The following CACNA1D variants were observed in gnomAD, a reference collection of about 807,000 sequenced individuals.
CACNA1D encodes the protein calcium voltage-gated channel subunit alpha1 D, also known as voltage-dependent L-type calcium channel subunit alpha-1D.
In CACNA1D, 55 loss-of-function variants were observed where a neutral mutation model predicts 257.1. That is an observed-to-expected ratio of 0.21 (90% confidence interval 0.17 to 0.27). The LOEUF (loss-of-function observed/expected upper bound fraction) is 0.27. Ranked by LOEUF, CACNA1D falls within the 10% of genes least tolerant of loss-of-function variation. CACNA1D has a pLI of 1.00. For missense variants in CACNA1D, 1,876 were observed against 2,784.0 expected (o/e 0.67, Z 7.34); for synonymous variants, 980 against 1,014.9 (o/e 0.97, Z 0.65).
chr3:53,586,276 C>CTGTGTG (rs57318445), intron 3 of CACNA1D, among the ~76,000 whole-genome samples: 1,808 of 135,986 alleles, frequency 0.013, 28 homozygotes, highest in East Asian at 0.016. Flanking sequence ...TGCCTCTATT[C>CTGTGTG]TGTGTGTGTG....
chr3:53,618,034 T>C (rs1223415411), intron 3 of CACNA1D, among the ~76,000 whole-genome samples: 1 of 152,170 alleles, frequency 6.6e-6, no homozygotes, highest in Non-Finnish European at 1.5e-5. Context: ...GCTGGGCCTC[T>C]GACCTGGGGA....
chr3:53,689,208 T>C (rs1169905250), intron 8 of CACNA1D, among the ~76,000 whole-genome samples: 2 of 152,060 alleles, frequency 1.3e-5, no homozygotes, highest in African/African-American at 2.4e-5. Flanking sequence ...AAGCAAGTTG[T>C]CAGGAGAGTG....
At chr3:53,699,410 A>G (rs2094600172) in intron 8 of CACNA1D, among the ~76,000 whole-genome samples, 1 of 152,226 alleles carries the variant, frequency 6.6e-6, no homozygotes, top group African/African-American at 2.4e-5. Flanking sequence ...TGTGTTTTCA[A>G]AGCCTTACTG....
At chr3:53,549,222 C>T (rs934573005) in intron 3 of CACNA1D, among the ~76,000 whole-genome samples, 1 of 152,188 alleles carries the variant, frequency 6.6e-6, no homozygotes, top group African/African-American at 2.4e-5. Context: ...CTTTTTGTCA[C>T]GTACTGATGT....
chr3:53,546,419 C>T (rs2092414527), intron 3 of CACNA1D, among the ~76,000 whole-genome samples: 1 of 152,126 alleles, frequency 6.6e-6, no homozygotes, highest in South Asian at 2.1e-4. Context: ...TCTGTATTGA[C>T]ATTGAGTCTA....
In CACNA1D at chr3:53,662,600, G is replaced by C. The variant is rs138313600; in HGVS notation, c.766+2325G>C. 5.9e-5 allele frequency among the ~76,000 whole-genome samples: 9 copies of C among 152,348 alleles called. No homozygotes were observed. The East Asian group carries it at 1.7e-3, about 29-fold the overall frequency. On this transcript the variant is annotated intron_variant, in intron 5 of 47. Coordinates refer to ENST00000350061, the MANE Select transcript of CACNA1D (RefSeq NM_001128840.3). ...TGACTAGTGTAAGTTCTCACAGCTA[G>C]TGAGTAGCCAGACAGAACCAGACCC...
At chr3:53,524,430 A>G (rs2091688433) in intron 3 of CACNA1D, among the ~76,000 whole-genome samples, 1 of 152,274 alleles carries the variant, frequency 6.6e-6, no homozygotes, top group Non-Finnish European at 1.5e-5. Context: ...GTGCCAACAC[A>G]CAAAACTACA....
At chr3:53,657,430 A>T (rs79665631) in intron 4 of CACNA1D, among the ~76,000 whole-genome samples, 1,980 of 152,294 alleles carry the variant, frequency 0.013, 46 homozygotes, top group African/African-American at 0.045. Context: ...CAAGAGAATC[A>T]TTTAAAATGT....
chr3:53,730,159 CAG>C (rs1315388521), intron 15 of CACNA1D, among the ~76,000 whole-genome samples: 2 of 152,152 alleles, frequency 1.3e-5, no homozygotes, highest in Non-Finnish European at 2.9e-5. Flanking sequence ...CACACACACA[CAG>C]AGAAAGGTTG....
rs1341954518 is a variant in CACNA1D at position 53,660,403 on chromosome 3, C to T, written c.766+128C>T. The T allele has an allele frequency of 1.1e-5, 9 of 814,622 alleles. No individual in the cohort carries two copies. In the East Asian group the frequency reaches 1.5e-4, roughly 14 times the overall value. 50.5% of individuals were successfully genotyped at this position (814,622 alleles called of 1,614,324 possible). ...AGGGGTCAGCAGATGACCATGGCCT[C>T]CTTCACAGTTGACAGGACACTTTGG... On this transcript the variant is annotated intron_variant, in intron 5 of 47. Coordinates refer to ENST00000350061, the MANE Select transcript of CACNA1D (RefSeq NM_001128840.3).
Position 53,753,658 on chromosome 3 carries a change from G to A in CACNA1D, c.3762G>A (p.Leu1254=), listed in dbSNP as rs943916292. 6 of 1,611,316 alleles carry A rather than the reference G, an allele frequency of 3.7e-6. No individual in the cohort carries two copies. Among genetic ancestry groups the A allele is most frequent in the South Asian group, 1.1e-5 (1 of 91,040 alleles). The change falls in exon 29 of 48, where the codon TTG becomes TTA. Residue 1254 remains leucine (L), a synonymous_variant. Transcript: ENST00000350061. Reference sequence around the variant, plus strand: ...GGGTGTTCACCGTCGAGATGGTTTTGAAAGTCATCGCATTTAAGCCTAAGG... The same window carrying A: ...GGGTGTTCACCGTCGAGATGGTTTTAAAAGTCATCGCATTTAAGCCTAAGG... ...FTGVFTVEMV[L]KVIAFKPKGY... is the part of the protein sequence containing the mutation.
chr3:53,734,755 G>A (rs2095041269), intron 19 of CACNA1D, among the ~76,000 whole-genome samples: 2 of 152,092 alleles, frequency 1.3e-5, no homozygotes, highest in Admixed American at 1.3e-4. Flanking sequence ...ACTTTCTGAG[G>A]ACTGCTTGTG....
intron 30 of CACNA1D, among the ~76,000 whole-genome samples, chr3:53,763,560 C>T (rs955442671): frequency 2.0e-5 from 3 of 152,198 alleles, no homozygotes; most frequent in Admixed American, 6.5e-5. Context: ...GGGCGGAGCA[C>T]GGGGAGGGAC....
rs17053141 is a variant in CACNA1D, at chr3:53,526,895, G to A, written c.483+25175G>A. Among the ~76,000 whole-genome samples the A allele has an allele frequency of 8.0e-3, 1,226 of 152,310 alleles. 93 individuals are homozygous for A. In the South Asian group the frequency reaches 0.16, roughly 20 times the overall value. On this transcript the variant is annotated intron_variant, in intron 3 of 47. Coordinates refer to ENST00000350061, the MANE Select transcript of CACNA1D (RefSeq NM_001128840.3). ...TCCTAATTTGTCAAATGAGCAGGGC[G>A]TATTGCCAGATAAGCTCTTTAAAGT... is the stretch of plus-strand genomic sequence containing the variant.
chr3:53,592,717 T>A (rs2093321727), intron 3 of CACNA1D, among the ~76,000 whole-genome samples: 1 of 152,068 alleles, frequency 6.6e-6, no homozygotes, highest in African/African-American at 2.4e-5. Context: ...TGTTTTTTTT[T>A]TTTTAGATGG....
At chr3:53,636,770 T>C (rs2093889127) in intron 3 of CACNA1D, among the ~76,000 whole-genome samples, 1 of 152,266 alleles carries the variant, frequency 6.6e-6, no homozygotes, top group Non-Finnish European at 1.5e-5. Flanking sequence ...ATACATTTCA[T>C]GGAGACAGGA....
At chr3:53,784,429 C>A (rs79328687) in intron 39 of CACNA1D, among the ~76,000 whole-genome samples, 5,563 of 152,260 alleles carry the variant, frequency 0.037, 157 homozygotes, top group Middle Eastern at 0.099. Flanking sequence ...CCTGCTGTAG[C>A]TTTGACTTTT....
rs760371924 is a variant in CACNA1D, at chr3:53,497,137, T to C, written c.68-15T>C. On this transcript the variant is annotated splice_polypyrimidine_tract_variant and intron_variant, in intron 1 of 47. Coordinates refer to ENST00000350061, the MANE Select transcript of CACNA1D (RefSeq NM_001128840.3). Reference sequence around the variant, plus strand: ...ATTTAAAAAAAAAAATCTTTGTTTTTCTCCTTCTCCCCAGAGGCAAACTAT... The same window carrying C: ...ATTTAAAAAAAAAAATCTTTGTTTTCCTCCTTCTCCCCAGAGGCAAACTAT... The C allele has an allele frequency of 1.2e-6, 2 of 1,612,094 alleles. No homozygotes were observed. The highest frequency in any genetic ancestry group is 1.1e-5 in the South Asian group (1 of 90,742).
At chr3:53,730,707 A>C (rs1283482691) in intron 16 of CACNA1D, 151 bp downstream of exon 16, 2 of 694,894 alleles carry the variant, frequency 2.9e-6, no homozygotes, top group Non-Finnish European at 5.2e-6. Flanking sequence ...ACTGCAGACC[A>C]AAACGGATGG....
Sources: gnomAD v4.1 joint callset for allele counts (sites outside exome capture counted in the v4.1 genomes callset) on GRCh38, gnomAD v4.1.1 for gene constraint, MANE v1.5 for transcripts, NCBI Gene and HGNC (gene_info 2026-07-23, HGNC 2026-07-21) for gene names.